Variants in KIAA0825 observed in about 807,000 individuals in gnomAD.
The protein encoded by KIAA0825 is uncharacterized protein KIAA0825.
In KIAA0825, 119 loss-of-function variants were observed where a neutral mutation model predicts 147.6. That is an observed-to-expected ratio of 0.81 (90% confidence interval 0.69 to 0.94). The LOEUF (loss-of-function observed/expected upper bound fraction) is 0.94, where lower values mean the gene tolerates loss of function less well. Ranked by LOEUF, KIAA0825 falls within the 40% of genes least tolerant of loss-of-function variation. KIAA0825 has a pLI of 0.00. For missense variants in KIAA0825, 1,381 were observed against 1,472.7 expected (o/e 0.94, Z 1.02); for synonymous variants, 470 against 518.1 (o/e 0.91, Z 1.26).
intron 1 of KIAA0825, 182 bp downstream of exon 1, chr5:94,618,318 G>A (rs1263968968): frequency 6.6e-6 from 1 of 152,344 alleles, no homozygotes; most frequent in African/African-American, 2.4e-5. Flanking sequence ...TGGATAAGAC[G>A]GTAAGCCGGG....
intron 2 of KIAA0825, among the ~76,000 whole-genome samples, chr5:94,563,594 A>C (rs1287305170): frequency 6.6e-6 from 1 of 152,254 alleles, no homozygotes; most frequent in African/African-American, 2.4e-5. Flanking sequence ...AACTATAACA[A>C]TGACAATTGT....
chr5:94,537,160 A>T (rs760418088), intron 2 of KIAA0825, 33 bp from the exon 3 acceptor site: 2 of 1,573,408 alleles, frequency 1.3e-6, no homozygotes, highest in East Asian at 4.6e-5. Flanking sequence ...AAAACATGTC[A>T]GTTCCCCCAC....
At chr5:94,378,838 C>T (rs868083004) in intron 20 of KIAA0825, among the ~76,000 whole-genome samples, 14 of 152,204 alleles carry the variant, frequency 9.2e-5, no homozygotes, top group African/African-American at 2.6e-4. Context: ...CTTTGATTTG[C>T]GTTTCTCTAA....
intron 20 of KIAA0825, among the ~76,000 whole-genome samples, chr5:94,273,577 T>G (rs1430061936): frequency 6.6e-6 from 1 of 152,098 alleles, no homozygotes; most frequent in Non-Finnish European, 1.5e-5. Context: ...TTTGGAGGTT[T>G]CAGTGTCCCA....
chr5:94,553,694 A>C (rs1473351479), intron 2 of KIAA0825, among the ~76,000 whole-genome samples: 1 of 151,430 alleles, frequency 6.6e-6, no homozygotes, highest in African/African-American at 2.4e-5. Flanking sequence ...TGAACCTGGG[A>C]GGCGGAGGCT....
chr5:94,577,139 A>G (rs1399401163), intron 2 of KIAA0825, among the ~76,000 whole-genome samples: 4 of 152,146 alleles, frequency 2.6e-5, no homozygotes, highest in African/African-American at 7.2e-5. Context: ...TTCAGCATCT[A>G]TAGTTTGGCT....
chr5:94,589,372 G>A (rs1335451186), intron 1 of KIAA0825, among the ~76,000 whole-genome samples: 7 of 152,092 alleles, frequency 4.6e-5, no homozygotes, highest in Admixed American at 3.9e-4. Context: ...GTCTACTATT[G>A]TTATTCTTGG....
intron 13 of KIAA0825, among the ~76,000 whole-genome samples, chr5:94,446,318 C>CAT (rs1245089585): frequency 6.6e-6 from 1 of 151,990 alleles, no homozygotes; most frequent in African/African-American, 2.4e-5. Flanking sequence ...GTGGAGGACA[C>CAT]ATATATAGTT....
chr5:94,399,518 A>G (rs1187395240), intron 16 of KIAA0825, among the ~76,000 whole-genome samples: 1 of 152,174 alleles, frequency 6.6e-6, no homozygotes, highest in Non-Finnish European at 1.5e-5. Context: ...CAGGCTGATG[A>G]CAAATTAATA....
Position 94,151,400 on chromosome 5 carries a change from G to A in KIAA0825, c.*2607C>T, listed in dbSNP as rs1323520302. Reference sequence around the variant, plus strand: ...CCACTGCAGTCCGCAGTCCGGCCTGGGCGACAGAGCGAGACTCCGTCTCAA... The same window carrying A: ...CCACTGCAGTCCGCAGTCCGGCCTGAGCGACAGAGCGAGACTCCGTCTCAA... On this transcript the variant is annotated 3_prime_UTR_variant, in exon 21 of 21. Transcript: ENST00000682413. Among the ~76,000 whole-genome samples the A allele has an allele frequency of 7.0e-6, 1 of 142,066 alleles. No homozygotes were observed. The highest frequency in any genetic ancestry group is 1.5e-5 in the Non-Finnish European group (1 of 66,158). The allele number at this position is 142,066 out of a possible 152,430, so 93.2% of individuals were successfully genotyped here.
chr5:94,303,755 G>A (rs558350103), intron 20 of KIAA0825, among the ~76,000 whole-genome samples: 1 of 152,020 alleles, frequency 6.6e-6, no homozygotes, highest in African/African-American at 2.4e-5. Flanking sequence ...AGGAGAACAG[G>A]GGAAAAGCTG....
chr5:94,570,154 A>C (rs1213032440), intron 2 of KIAA0825: 3 of 152,440 alleles, frequency 2.0e-5, no homozygotes, highest in East Asian at 1.9e-4. Context: ...AAATAGGATC[A>C]AACAATCCCT....
intron 20 of KIAA0825, among the ~76,000 whole-genome samples, chr5:94,191,671 C>T (rs1265814646): frequency 6.6e-6 from 1 of 152,104 alleles, no homozygotes; most frequent in Non-Finnish European, 1.5e-5. Context: ...GAATTAAAGC[C>T]TAATTACTCT....
chr5:94,203,409 T>C (rs1437614682), intron 20 of KIAA0825, among the ~76,000 whole-genome samples: 1 of 152,230 alleles, frequency 6.6e-6, no homozygotes, highest in African/African-American at 2.4e-5. Flanking sequence ...AAACTAAAAG[T>C]TGCAAAAGCA....
intron 20 of KIAA0825, among the ~76,000 whole-genome samples, chr5:94,248,376 T>G (rs1395183048): frequency 1.3e-5 from 2 of 152,132 alleles, no homozygotes; most frequent in Admixed American, 1.3e-4. Flanking sequence ...GGCCAGATTC[T>G]GTCACAGGAC....
chr5:94,593,168 C>T (rs749414866), intron 1 of KIAA0825: 108 of 748,284 alleles, frequency 1.4e-4, no homozygotes, highest in Non-Finnish European at 8.6e-5. Context: ...GCCCACGATC[C>T]GCTAGTTGAA....
intron 20 of KIAA0825, among the ~76,000 whole-genome samples, chr5:94,278,651 A>G (rs1046446303): frequency 4.6e-5 from 7 of 152,144 alleles, no homozygotes; most frequent in Admixed American, 3.3e-4. Flanking sequence ...GGCACAGGAA[A>G]TTAGGCAACT....
intron 20 of KIAA0825, among the ~76,000 whole-genome samples, chr5:94,340,546 A>G (rs189080645): frequency 3.9e-5 from 6 of 152,338 alleles, no homozygotes; most frequent in Admixed American, 2.0e-4. Context: ...GCATCTAAGT[A>G]TACTTACATC....
chr5:94,576,932 G>A (rs1781160024), intron 2 of KIAA0825, among the ~76,000 whole-genome samples: 1 of 152,058 alleles, frequency 6.6e-6, no homozygotes, highest in African/African-American at 2.4e-5. Context: ...AAAAAATTTT[G>A]TTCAATTTGT....
Sources: allele counts gnomAD v4.1 joint callset (sites outside exome capture counted in the v4.1 genomes callset), GRCh38; gene constraint gnomAD v4.1.1; transcripts MANE v1.5; gene names NCBI Gene and HGNC (gene_info 2026-07-23, HGNC 2026-07-21).